Variants in CELF2 observed in about 807,000 individuals in gnomAD.
The protein encoded by CELF2 is CUGBP Elav-like family member 2, also known as CUG triplet repeat RNA-binding protein 2.
A neutral mutation model predicts 62.6 loss-of-function variants in CELF2; 8 were observed. That is an observed-to-expected ratio of 0.13 (90% CI 0.07 to 0.23). CELF2 has a LOEUF of 0.23. Among genes scored for constraint, CELF2 ranks in the 10% least tolerant of loss-of-function variants. The pLI is 1.00. For missense variants in CELF2, 333 were observed against 671.0 expected, an observed-to-expected ratio of 0.50 and a Z score of 5.56; for synonymous variants, 258 against 250.0, an observed-to-expected ratio of 1.03 and a Z score of -0.30.
intron 1 of CELF2, among the ~76,000 whole-genome samples, chr10:11,068,962 G>T (rs1485432380): frequency 6.6e-6 from 1 of 152,150 alleles, no homozygotes; most frequent in African/African-American, 2.4e-5. Flanking sequence ...TGACGTCTTA[G>T]TGGTCTTTTC....
In CELF2 at chr10:10,983,488, G is replaced by A. The variant is rs1243910345; in HGVS notation, c.89+63489G>A. Among the ~76,000 whole-genome samples, 1 of 152,198 alleles carries A rather than the reference G, an allele frequency of 6.6e-6. No individual in the cohort carries two copies. Among genetic ancestry groups the A allele is most frequent in the East Asian group, 1.9e-4 (1 of 5,196 alleles). ...TCTTGTACTGGACTCAATTCAGTCT[G>A]TAATTTTTACTGAGTCCCTACAAAG... On this transcript the variant is annotated intron_variant, in intron 2 of 13. Transcript: ENST00000636488. This position sits in a 1 kb window ranked among gnomAD's most constrained non-coding sequence, Gnocchi z 5.2.
the CELF2 span, among the ~76,000 whole-genome samples, chr10:10,666,289 G>C: frequency 6.6e-6 from 1 of 152,174 alleles, no homozygotes; most frequent in Non-Finnish European, 1.5e-5. Flanking sequence ...AGGTCGGGGT[G>C]CTGTGTTGGC....
At chr10:10,866,920 CAAAAA>C (rs56098222) in intron 1 of CELF2, among the ~76,000 whole-genome samples, 1 of 97,742 alleles carries the variant, frequency 1.0e-5, no homozygotes, top group Non-Finnish European at 2.0e-5. Flanking sequence ...AACTCCTTCT[CAAAAA>C]AAAAAAAAAA....
At chr10:11,030,880 G>C (rs2060002063) in intron 1 of CELF2, 1 of 152,180 alleles carries the variant, frequency 6.6e-6, no homozygotes, top group Admixed American at 6.5e-5. Flanking sequence ...CAGTGGATGG[G>C]GACACCCAAG....
intron 10 of CELF2, chr10:11,320,708 A>C: frequency 1.2e-6 from 1 of 803,346 alleles, no homozygotes. Context: ...ACACGGCCTA[A>C]GGGAAAAAAG....
chr10:10,491,805 T>C, the CELF2 span, among the ~76,000 whole-genome samples: 22 of 152,364 alleles, frequency 1.4e-4, no homozygotes, highest in African/African-American at 4.6e-4. Flanking sequence ...GTCTTTCTTG[T>C]CCTGACTTTC....
chr10:11,009,371 G>A (rs1031031926), intron 1 of CELF2, among the ~76,000 whole-genome samples: 5 of 152,002 alleles, frequency 3.3e-5, no homozygotes, highest in East Asian at 1.9e-4. Context: ...GTGCGTGCGC[G>A]CGTCGGAACC....
intron 4 of CELF2, among the ~76,000 whole-genome samples, chr10:11,257,191 A>G (rs2079032130): frequency 6.6e-6 from 1 of 152,100 alleles, no homozygotes; most frequent in South Asian, 2.1e-4. Context: ...ATCAGCAGGG[A>G]TGAAGCTATT....
the CELF2 span, among the ~76,000 whole-genome samples, chr10:10,479,653 C>T: frequency 6.6e-6 from 1 of 152,234 alleles, no homozygotes; most frequent in East Asian, 1.9e-4. Context: ...AGAATACGAG[C>T]TCTGGAACCA....
chr10:11,207,892 G>A lies in CELF2; in HGVS notation c.272-9533G>A, dbSNP rs2060823678. 6.6e-6 allele frequency among the ~76,000 whole-genome samples: 1 copy of A among 152,096 alleles called. No homozygotes were observed. The highest frequency in any genetic ancestry group is 1.5e-5 in the Non-Finnish European group (1 of 68,004). ...GCTATGGAAGTCCCATTTTTAGGTG[G>A]GGAAAAAAGGGTTGTGTTAGGTGAC... On this transcript the variant is annotated intron_variant, in intron 2 of 12. Transcript: ENST00000633077. The surrounding 1 kb of genome is among the most constrained non-coding windows in gnomAD (Gnocchi z 4.1).
In CELF2 at chr10:11,261,237, G is replaced by A. The variant is rs768175326; in HGVS notation, c.538+3365G>A. Among the ~76,000 whole-genome samples, 19 of 152,092 alleles carry A rather than the reference G, an allele frequency of 1.2e-4. 1 individual carries two copies. The highest frequency in any genetic ancestry group is 3.9e-4 in the East Asian group (2 of 5,188). On this transcript the variant is annotated intron_variant, in intron 5 of 12. Transcript: ENST00000633077. ...GGCAACTAGTCTAGCTGGCTCCTGC[G>A]GATTTCTAATGTCATTTCTTCCCTG...
chr10:10,844,436 G>A (rs2058883540), intron 1 of CELF2, among the ~76,000 whole-genome samples: 1 of 151,898 alleles, frequency 6.6e-6, no homozygotes. Context: ...AAAATCTTAA[G>A]GGAAAAAAAT....
intron 2 of CELF2, among the ~76,000 whole-genome samples, chr10:11,168,243 A>G (rs1441254353): frequency 6.6e-6 from 1 of 152,238 alleles, no homozygotes; most frequent in African/African-American, 2.4e-5. Context: ...TTGGAAATAC[A>G]GGTCAATTCC....
intron 1 of CELF2, among the ~76,000 whole-genome samples, chr10:10,838,012 T>C (rs1209980234): frequency 6.6e-6 from 1 of 152,218 alleles, no homozygotes; most frequent in East Asian, 1.9e-4. Flanking sequence ...TTTTCCTTGC[T>C]TTTTACCTAA....
chr10:11,033,652 T>C (rs1290036275), intron 1 of CELF2, among the ~76,000 whole-genome samples: 1 of 152,252 alleles, frequency 6.6e-6, no homozygotes, highest in African/African-American at 2.4e-5. Context: ...CAAAATTTAT[T>C]TTAAGAAAGG....
At chr10:11,124,890 A>G (rs1192087201) in intron 1 of CELF2, among the ~76,000 whole-genome samples, 2 of 152,234 alleles carry the variant, frequency 1.3e-5, no homozygotes, top group African/African-American at 4.8e-5. Flanking sequence ...TTTTTTATAA[A>G]GCATGAGATT....
At chr10:10,650,414 A>G in the CELF2 span, among the ~76,000 whole-genome samples, 663 of 152,348 alleles carry the variant, frequency 4.4e-3, 3 homozygotes, top group African/African-American at 0.015. Context: ...AATATTTTCC[A>G]TAATTTTTCA....
chr10:10,658,262 C>T, the CELF2 span, among the ~76,000 whole-genome samples: 1 of 151,974 alleles, frequency 6.6e-6, no homozygotes, highest in Non-Finnish European at 1.5e-5. Context: ...GTCCCAATCC[C>T]CTGCTCTTTA....
At chr10:10,616,396 T>C in the CELF2 span, among the ~76,000 whole-genome samples, 2 of 151,278 alleles carry the variant, frequency 1.3e-5, no homozygotes, top group East Asian at 2.0e-4. Flanking sequence ...CCTCCTGTTA[T>C]GGAAAGAATT....
Sources: gnomAD v4.1 joint callset for allele counts (sites outside exome capture counted in the v4.1 genomes callset) on GRCh38, gnomAD v4.1.1 for gene constraint, Gnocchi (gnomAD v3.1) non-coding constraint, MANE v1.5 for transcripts, NCBI Gene and HGNC (gene_info 2026-07-23, HGNC 2026-07-21) for gene names.